RASGEF1C: variants seen among roughly 807,000 people sequenced by gnomAD.
RASGEF1C encodes the protein RasGEF domain family member 1C, also known as ras-GEF domain-containing family member 1C.
In RASGEF1C, 27 loss-of-function variants were observed where a neutral mutation model predicts 58.1. The observed-to-expected ratio is 0.46, with a 90% CI of 0.34 to 0.64. RASGEF1C has a LOEUF of 0.64. RASGEF1C is among the 30% of genes least tolerant of loss of function. The probability of loss-of-function intolerance (pLI) is 0.01; values close to 1 mark genes in which losing one functional copy is unlikely to be tolerated. For synonymous variants in RASGEF1C, 243 were observed against 246.3 expected, an observed-to-expected ratio of 0.99 and a Z score of 0.13; for missense variants, 502 against 605.1, an observed-to-expected ratio of 0.83 and a Z score of 1.79.
At chr5:180,207,426 C>A (rs927528381) in intron 1 of RASGEF1C, among the ~76,000 whole-genome samples, 2 of 152,230 alleles carry the variant, frequency 1.3e-5, no homozygotes, top group Non-Finnish European at 2.9e-5. Flanking sequence ...ACCAAGGCCC[C>A]TTGGACAAAT....
At chr5:180,134,518 G>T (rs889016527) in intron 4 of RASGEF1C, among the ~76,000 whole-genome samples, 2 of 151,640 alleles carry the variant, frequency 1.3e-5, no homozygotes, top group African/African-American at 2.4e-5. Flanking sequence ...CTCACCCCCT[G>T]TAGACCATCC....
At position 180,177,447 on chromosome 5, in the gene RASGEF1C, T is replaced by A. The variant is rs744250; in HGVS notation, c.-7+31581A>T. Among the ~76,000 whole-genome samples the A allele has an allele frequency of 0.11, 17,285 of 152,262 alleles. 1,036 individuals are homozygous for A. Among genetic ancestry groups the A allele is most frequent in the Middle Eastern group, 0.2 (58 of 294 alleles). On this transcript the variant is annotated intron_variant, in intron 1 of 13. Transcript: ENST00000361132. This position sits in a 1 kb window ranked among gnomAD's most constrained non-coding sequence, Gnocchi z 5.0. ...AATCTGCCCGGCTGGGCCGCAGCAG[T>A]CCACGGGCAGGGCAGAGCCCCGGGC... is the stretch of plus-strand genomic sequence containing the variant.
At chr5:180,202,953 C>T (rs923424814) in intron 1 of RASGEF1C, among the ~76,000 whole-genome samples, 4 of 152,118 alleles carry the variant, frequency 2.6e-5, no homozygotes, top group South Asian at 2.1e-4. Flanking sequence ...GCACCCGCCT[C>T]GGCCTCCCAA....
At chr5:180,124,734 G>T (rs1766227511) in intron 6 of RASGEF1C, among the ~76,000 whole-genome samples, 1 of 152,150 alleles carries the variant, frequency 6.6e-6, no homozygotes, top group African/African-American at 2.4e-5. Flanking sequence ...TGAGGCAGGA[G>T]AATCTCTTGA....
intron 1 of RASGEF1C, among the ~76,000 whole-genome samples, chr5:180,180,074 C>T (rs536833035): frequency 5.9e-5 from 9 of 152,322 alleles, no homozygotes; most frequent in South Asian, 2.1e-4. Flanking sequence ...CCCTGGGAGG[C>T]GGTGGCCTGC....
At chr5:180,164,786 C>A (rs1414417233) in intron 1 of RASGEF1C, among the ~76,000 whole-genome samples, 1 of 152,194 alleles carries the variant, frequency 6.6e-6, no homozygotes, top group Non-Finnish European at 1.5e-5. Context: ...CTACAAATGT[C>A]AATTAACTCA....
intron 1 of RASGEF1C, among the ~76,000 whole-genome samples, chr5:180,154,195 T>G (rs1043723638): frequency 6.6e-6 from 1 of 152,124 alleles, no homozygotes; most frequent in South Asian, 2.1e-4. Flanking sequence ...GTCTGGAGCC[T>G]CAGCTGGCCC....
intron 4 of RASGEF1C, among the ~76,000 whole-genome samples, chr5:180,133,995 AG>A (rs559998954): frequency 6.1e-4 from 93 of 152,196 alleles, no homozygotes; most frequent in African/African-American, 2.2e-3. Flanking sequence ...TGGCTCAGAG[AG>A]GCAAAGCACC....
intron 1 of RASGEF1C, among the ~76,000 whole-genome samples, chr5:180,183,261 C>G (rs1006193158): frequency 2.0e-5 from 3 of 152,132 alleles, no homozygotes; most frequent in Non-Finnish European, 2.9e-5. Flanking sequence ...GACCCAAGCC[C>G]CACACTTGTG....
At chr5:180,111,180 T>C (rs528799601) in intron 12 of RASGEF1C, among the ~76,000 whole-genome samples, 193 of 152,246 alleles carry the variant, frequency 1.3e-3, no homozygotes, top group African/African-American at 4.3e-3. Flanking sequence ...ATGGTTCTGA[T>C]TTAGAATTCT....
chr5:180,174,480 C>CTG (rs10531393), intron 1 of RASGEF1C, among the ~76,000 whole-genome samples: 2 of 126,826 alleles, frequency 1.6e-5, no homozygotes, highest in East Asian at 2.3e-4. Flanking sequence ...GTATGTGTGT[C>CTG]TGTGTGTGCG....
chr5:180,206,657 T>A (rs547478789), intron 1 of RASGEF1C, among the ~76,000 whole-genome samples: 44 of 152,320 alleles, frequency 2.9e-4, no homozygotes, highest in African/African-American at 1.0e-3. Flanking sequence ...ATTTTAAATT[T>A]AAAAAGACTT....
At position 180,177,460 on chromosome 5, in the gene RASGEF1C, C is replaced by G. The variant is rs1289578485; in HGVS notation, c.-7+31568G>C. Among the ~76,000 whole-genome samples the G allele has an allele frequency of 4.6e-5, 7 of 152,364 alleles. No homozygotes were observed. Among genetic ancestry groups the G allele is most frequent in the Admixed American group, 1.3e-4 (2 of 15,310 alleles). On this transcript the variant is annotated intron_variant, in intron 1 of 13. Coordinates refer to ENST00000361132, the MANE Select transcript of RASGEF1C (RefSeq NM_175062.4). This position sits in a 1 kb window ranked among gnomAD's most constrained non-coding sequence, Gnocchi z 5.0. Reference sequence around the variant, plus strand: ...GGGCCGCAGCAGTCCACGGGCAGGGCAGAGCCCCGGGCTTCCTTCCGGGAC... The same window carrying G: ...GGGCCGCAGCAGTCCACGGGCAGGGGAGAGCCCCGGGCTTCCTTCCGGGAC...
intron 1 of RASGEF1C, among the ~76,000 whole-genome samples, chr5:180,176,426 T>C (rs1195116237): frequency 6.6e-6 from 1 of 152,242 alleles, no homozygotes; most frequent in Non-Finnish European, 1.5e-5. Context: ...GGGCTCTGCA[T>C]GAGGCAGGCC....
At chr5:180,107,655 C>A (rs1020409407) in intron 12 of RASGEF1C, among the ~76,000 whole-genome samples, 4 of 152,110 alleles carry the variant, frequency 2.6e-5, no homozygotes, top group Non-Finnish European at 5.9e-5. Flanking sequence ...GTCACCCAGG[C>A]TGGAGTGCAG....
At chr5:180,132,320 C>T (rs1285819186) in intron 4 of RASGEF1C, among the ~76,000 whole-genome samples, 5 of 152,240 alleles carry the variant, frequency 3.3e-5, no homozygotes, top group Admixed American at 6.5e-5. Context: ...AATGCGGAGT[C>T]GTCCGACGGT....
chr5:180,113,797 G>A (rs72813632), intron 11 of RASGEF1C, among the ~76,000 whole-genome samples: 41,877 of 144,166 alleles, frequency 0.29, 4,673 homozygotes, highest in East Asian at 0.43. Context: ...TGGATGGAGG[G>A]ACCGAGGATG....
intron 3 of RASGEF1C, 84 bp from the exon 4 acceptor site, chr5:180,136,599 C>T (rs1485367514): frequency 1.5e-5 from 22 of 1,447,170 alleles, no homozygotes; most frequent in African/African-American, 7.1e-5. Context: ...CGGGTCTGGC[C>T]GCCCGGGGCA....
intron 1 of RASGEF1C, among the ~76,000 whole-genome samples, chr5:180,192,074 T>C (rs34570575): frequency 0.1 from 15,521 of 152,252 alleles, 960 homozygotes; most frequent in East Asian, 0.25. Flanking sequence ...CTGTCTGACA[T>C]TGGGAAGGAC....
Sources: gnomAD v4.1 joint callset for allele counts (sites outside exome capture counted in the v4.1 genomes callset) on GRCh38, gnomAD v4.1.1 for gene constraint, Gnocchi (gnomAD v3.1) non-coding constraint, MANE v1.5 for transcripts, NCBI Gene and HGNC (gene_info 2026-07-23, HGNC 2026-07-21) for gene names.